Variants in UBALD1 observed in about 807,000 individuals in gnomAD.
UBALD1 encodes UBA like domain containing 1.
UBALD1 carries 5 observed loss-of-function variants against 16.1 expected under a neutral mutation model. That is an observed-to-expected ratio of 0.31 (90% CI 0.16 to 0.66). The LOEUF is 0.66. UBALD1 is among the 30% of genes least tolerant of loss of function. UBALD1 has a pLI of 0.77. For missense variants in UBALD1, 220 were observed against 252.8 expected (o/e 0.87, Z 0.88); for synonymous variants, 146 against 105.3 (o/e 1.39, Z -2.37).
chr16:4,614,835 GC>G lies in UBALD1; in HGVS notation c.-39del. The G allele has an allele frequency of 6.9e-7, 1 of 1,457,728 alleles. No homozygotes were observed. The highest frequency in any genetic ancestry group is 1.9e-4 in the Middle Eastern group (1 of 5,362). 90.3% of individuals were successfully genotyped at this position (1,457,728 alleles called of 1,614,324 possible). ...CTGCCCGCTCCGGCCTCCCTCCTCC[GC>G]CCGCGCCTCCGCCTCACGCGTCCAC... On this transcript the variant is annotated 5_prime_UTR_variant, in exon 1 of 3. Coordinates refer to ENST00000283474, the MANE Select transcript of UBALD1 (RefSeq NM_145253.3).
In UBALD1 at chr16:4,609,669, T is replaced by G; in HGVS notation, c.498A>C (p.Glu166Asp). 1 of 1,453,464 alleles carries G rather than the reference T, an allele frequency of 6.9e-7. No individual in the cohort carries two copies. Among genetic ancestry groups the G allele is most frequent in the Non-Finnish European group, 9.1e-7 (1 of 1,103,438 alleles). The allele number at this position is 1,453,464 out of a possible 1,614,324, so 90.0% of individuals were successfully genotyped here. Reference sequence around the variant, plus strand: ...CCTCCATGGCAGGGTGGGCCCTGGGTTCTGAGGTGGCCTGTTGGGGGGCCA... The same window carrying G: ...CCTCCATGGCAGGGTGGGCCCTGGGGTCTGAGGTGGCCTGTTGGGGGGCCA... ...PPLAPQQATS[E>D]PRAHPAMEAE... Residue 166 changes from glutamate to aspartate, a missense_variant, in exon 3 of 3, where the codon GAA (glutamate) becomes GAC (aspartate). By Grantham distance (45) the Glu-to-Asp change is conservative. This residue lies in a region of UBALD1 where 151 missense variants were observed against 132.6 expected (regional missense o/e 1.14). Transcript: ENST00000283474.
chr16:4,614,435 CG>C, intron 1 of UBALD1: 2 of 507,826 alleles, frequency 3.9e-6, no homozygotes, highest in South Asian at 4.6e-5. Context: ...GTCTCGATCC[CG>C]GGGGACTCGC....
chr16:4,611,335 G>C (rs760534369), intron 1 of UBALD1: 1 of 152,314 alleles, frequency 6.6e-6, no homozygotes, highest in Non-Finnish European at 1.5e-5. Flanking sequence ...CAGAAAGACG[G>C]CCCTAGGATC....
At position 4,609,622 on chromosome 16, in the gene UBALD1, A is replaced by C; in HGVS notation, c.*11T>G. The C allele has an allele frequency of 4.9e-6, 6 of 1,228,978 alleles. No homozygotes were observed. Among genetic ancestry groups the C allele is most frequent in the Non-Finnish European group, 6.4e-6 (6 of 936,764 alleles). The allele number at this position is 1,228,978 out of a possible 1,614,324, so 76.1% of individuals were successfully genotyped here. On this transcript the variant is annotated 3_prime_UTR_variant, in exon 3 of 3. Transcript: ENST00000283474. Reference sequence around the variant, plus strand: ...GGGGTCCTGGCCTCCGGGAGGGGGGAGGGGCCTCCCTTATCTCTCTGCCTC... The same window carrying C: ...GGGGTCCTGGCCTCCGGGAGGGGGGCGGGGCCTCCCTTATCTCTCTGCCTC...
chr16:4,610,441 A>G (rs1003540319), intron 2 of UBALD1, 52 bp downstream of exon 2: 31 of 1,552,228 alleles, frequency 2.0e-5, no homozygotes, highest in Non-Finnish European at 2.4e-5. Context: ...ACACAGAACT[A>G]GCTCGGCCTC....
At chr16:4,611,209 C>T (rs1897354479) in intron 1 of UBALD1, 1 of 153,310 alleles carries the variant, frequency 6.5e-6, no homozygotes, top group Non-Finnish European at 1.5e-5. Context: ...ACAGTGACCT[C>T]CTAAGATCAC....
At chr16:4,613,210 A>T (rs1897379560) in intron 1 of UBALD1, among the ~76,000 whole-genome samples, 1 of 152,142 alleles carries the variant, frequency 6.6e-6, no homozygotes, top group Non-Finnish European at 1.5e-5. Context: ...TGTGGAGACC[A>T]GGAGGGAAGC....
rs1294296311 is a variant in UBALD1 at position 4,610,364 on chromosome 16, C to A, written c.183+129G>T. On this transcript the variant is annotated intron_variant, in intron 2 of 2. Transcript: ENST00000283474. ...CACGGAGCCGGGACTCCTGCTGACC[C>A]ATCTCCAAAGAGGTCGAGCCCCGCC... 7 of 979,484 alleles carry A rather than the reference C, an allele frequency of 7.1e-6. No individual in the cohort carries two copies. The East Asian group carries it at 1.8e-4, about 25-fold the overall frequency. 60.7% of individuals were successfully genotyped at this position (979,484 alleles called of 1,614,324 possible).
Position 4,609,514 on chromosome 16 carries a change from C to G in UBALD1, c.*119G>C, listed in dbSNP as rs1374127535. 2.2e-6 allele frequency: 1 copy of G among 464,794 alleles called. No homozygotes were observed. Among genetic ancestry groups the G allele is most frequent in the Non-Finnish European group, 3.6e-6 (1 of 277,770 alleles). The allele number at this position is 464,794 out of a possible 1,614,324, so 28.8% of individuals were successfully genotyped here. A position where few individuals can be genotyped will look rare whatever the true frequency, so the allele number is the denominator to read the frequency against. Reference sequence around the variant, plus strand: ...CTGCCTGGCTAGAGTCCGCGCTCTCCCCTCCAGGGCTCCGGGGAACAAGGG... The same window carrying G: ...CTGCCTGGCTAGAGTCCGCGCTCTCGCCTCCAGGGCTCCGGGGAACAAGGG... On this transcript the variant is annotated 3_prime_UTR_variant, in exon 3 of 3. Coordinates refer to ENST00000283474, the MANE Select transcript of UBALD1 (RefSeq NM_145253.3).
intron 1 of UBALD1, 145 bp from the exon 2 acceptor site, chr16:4,610,700 C>A (rs1282244928): frequency 1.2e-6 from 1 of 861,112 alleles, no homozygotes; most frequent in East Asian, 2.7e-5. Context: ...GGCTCAGTGG[C>A]TTGCCTGTCA....
intron 2 of UBALD1, 195 bp downstream of exon 2, chr16:4,610,298 T>C: frequency 1.4e-6 from 1 of 712,098 alleles, no homozygotes. Context: ...GCCCCCCAGG[T>C]CTCAGGGGGA....
In UBALD1 at chr16:4,609,940, G is replaced by A; in HGVS notation, c.227C>T (p.Pro76Leu). The A allele has an allele frequency of 6.3e-7, 1 of 1,599,108 alleles. No individual in the cohort carries two copies. The highest frequency in any genetic ancestry group is 8.5e-7 in the Non-Finnish European group (1 of 1,172,328). ...ANTPATPPNF[P>L]DALTMFSRLK... ...ACGGGAGAACATGGTGAGAGCGTCAGGGAAGTTGGGGGGTGTAGCAGGGGT... is the reference window on the plus strand; with the variant it reads ...ACGGGAGAACATGGTGAGAGCGTCAAGGAAGTTGGGGGGTGTAGCAGGGGT... Residue 76 changes from proline (P) to leucine (L), a missense_variant, in exon 3 of 3, where the codon CCT becomes CTT. By Grantham distance (98) the Pro-to-Leu change is moderately conservative (BLOSUM62 -3). Around this residue, in one of 2 missense-constraint regions of UBALD1, gnomAD observed 69 missense variants for 120.3 expected, o/e 0.57. Transcript: ENST00000283474.
Position 4,609,854 on chromosome 16 carries a change from T to C in UBALD1, c.313A>G (p.Thr105Ala). The C allele has an allele frequency of 6.6e-7, 1 of 1,512,064 alleles. No individual in the cohort carries two copies. Among genetic ancestry groups the C allele is most frequent in the Non-Finnish European group, 8.8e-7 (1 of 1,130,368 alleles). 93.7% of individuals were successfully genotyped at this position (1,512,064 alleles called of 1,614,324 possible). A position where few individuals can be genotyped will look rare whatever the true frequency, so the allele number is the denominator to read the frequency against. Reference sequence around the variant, plus strand: ...TGGGGGAAGTGTGGCGGGGGTGACGTGGCTGTCGCGGCCATCGGGCTGCCG... The same window carrying C: ...TGGGGGAAGTGTGGCGGGGGTGACGCGGCTGTCGCGGCCATCGGGCTGCCG... Reference protein sequence around the residue: ...GSGSPMAATATSPPPHFPHAA... With the variant: ...GSGSPMAATAASPPPHFPHAA... Residue 105 changes from threonine to alanine, a missense_variant, in exon 3 of 3, where the codon ACG becomes GCG. By Grantham distance (58) the Thr-to-Ala change is moderately conservative. This residue lies in a region of UBALD1 where 151 missense variants were observed against 132.6 expected (regional missense o/e 1.14). Coordinates refer to ENST00000283474, the MANE Select transcript of UBALD1 (RefSeq NM_145253.3).
chr16:4,614,581 G>A, intron 1 of UBALD1, 97 bp downstream of exon 1: 4 of 1,277,476 alleles, frequency 3.1e-6, no homozygotes, highest in Non-Finnish European at 3.0e-6. Flanking sequence ...GGGGCGCACA[G>A]CCGGCACGCG....
chr16:4,609,629 T>A lies in UBALD1; in HGVS notation c.*4A>T, dbSNP rs936122052. ...TGGCCTCCGGGAGGGGGGAGGGGCC[T>A]CCCTTATCTCTCTGCCTCCATGGCA... On this transcript the variant is annotated 3_prime_UTR_variant, in exon 3 of 3. Transcript: ENST00000283474. The A allele has an allele frequency of 1.5e-6, 2 of 1,333,876 alleles. No homozygotes were observed. The highest frequency in any genetic ancestry group is 9.8e-7 in the Non-Finnish European group (1 of 1,025,104). 82.6% of individuals were successfully genotyped at this position (1,333,876 alleles called of 1,614,324 possible).
rs184874522 is a variant in UBALD1, at chr16:4,609,303, C to T, written c.*330G>A. ...AAGCCAGGGATCAGCAATGTCTCTG[C>T]CAGGGTGGTCCTCCACGGCACCCCT... On this transcript the variant is annotated 3_prime_UTR_variant, in exon 3 of 3. Transcript: ENST00000283474. 2,498 of 255,350 alleles carry T rather than the reference C, an allele frequency of 9.8e-3. 30 individuals carry two copies. The highest frequency in any genetic ancestry group is 0.014 in the Admixed American group (252 of 18,062). The allele number at this position is 255,350 out of a possible 1,614,324, so 15.8% of individuals were successfully genotyped here.
chr16:4,609,041 G>C lies in UBALD1; in HGVS notation c.*592C>G, dbSNP rs1897323199. ...TTTCCCACAATCCTTTTCTCTGCAAGGAACAGCAACGCTGGCTGACGAGGG... is the reference window on the plus strand; with the variant it reads ...TTTCCCACAATCCTTTTCTCTGCAACGAACAGCAACGCTGGCTGACGAGGG... On this transcript the variant is annotated 3_prime_UTR_variant, in exon 3 of 3. Coordinates refer to ENST00000283474, the MANE Select transcript of UBALD1 (RefSeq NM_145253.3). 7.0e-6 allele frequency: 1 copy of C among 143,202 alleles called. No homozygotes were observed. The highest frequency in any genetic ancestry group is 7.2e-5 in the Admixed American group (1 of 13,832). The allele number at this position is 143,202 out of a possible 1,614,324, so 8.9% of individuals were successfully genotyped here. A position where few individuals can be genotyped will look rare whatever the true frequency, so the allele number is the denominator to read the frequency against.
At chr16:4,610,965 C>T (rs1175381222) in intron 1 of UBALD1, 1 of 390,582 alleles carries the variant, frequency 2.6e-6, no homozygotes. Context: ...GAGATTCTAG[C>T]CTGGCTGTTA....
chr16:4,609,855 G>A lies in UBALD1; in HGVS notation c.312C>T (p.Ala104=). 1 of 1,516,714 alleles carries A rather than the reference G, an allele frequency of 6.6e-7. No homozygotes were observed. The allele number at this position is 1,516,714 out of a possible 1,614,324, so 94.0% of individuals were successfully genotyped here. A position where few individuals can be genotyped will look rare whatever the true frequency, so the allele number is the denominator to read the frequency against. Residue 104 remains alanine (A), a synonymous_variant, in exon 3 of 3, where the codon GCC becomes GCT. Transcript: ENST00000283474. ...GGSGSPMAAT[A]TSPPPHFPHA... is the part of the protein sequence containing the mutation. ...GGGGGAAGTGTGGCGGGGGTGACGT[G>A]GCTGTCGCGGCCATCGGGCTGCCGC...
Sources: allele counts gnomAD v4.1 joint callset (sites outside exome capture counted in the v4.1 genomes callset), GRCh38; gene constraint gnomAD v4.1.1; regional missense constraint gnomAD v4.1.1; transcripts MANE v1.5; gene names NCBI Gene and HGNC (gene_info 2026-07-23, HGNC 2026-07-21).